The following EGF variants were observed in gnomAD, a reference collection of about 807,000 sequenced individuals.
EGF encodes epidermal growth factor.
In EGF, 95 loss-of-function variants were observed where a neutral mutation model predicts 143.8. That is an observed-to-expected ratio of 0.66 (90% confidence interval 0.56 to 0.78). The LOEUF (loss-of-function observed/expected upper bound fraction) is 0.78, where lower values mean the gene tolerates loss of function less well. Ranked by LOEUF, EGF falls within the 30% of genes least tolerant of loss-of-function variation. EGF has a pLI of 0.00. For synonymous variants in EGF, 510 were observed against 510.5 expected (o/e 1.00, Z 0.01); for missense variants, 1,320 against 1,470.9 (o/e 0.90, Z 1.68).
intron 1 of EGF, among the ~76,000 whole-genome samples, chr4:109,920,083 T>C (rs1217579996): frequency 6.6e-6 from 1 of 151,646 alleles, no homozygotes; most frequent in Non-Finnish European, 1.5e-5. Context: ...TTATAAGTTG[T>C]TTTTTAATCC....
rs182982244 is a variant in EGF, at chr4:110,008,476, T to C, written c.3370+246T>C. The stretch of plus-strand genomic sequence containing the variant: ...ACAGGGCAGCCCGTGTTCTTGCACT[T>C]TGAGCAAGAACACAATGGATGACTC... On this transcript the variant is annotated intron_variant, in intron 23 of 23. Transcript: ENST00000265171. Among the ~76,000 whole-genome samples the C allele has an allele frequency of 2.9e-3, 448 of 152,272 alleles. 1 individual carries two copies. Among genetic ancestry groups the C allele is most frequent in the South Asian group, 0.014 (67 of 4,818 alleles).
chr4:109,952,117 T>C (rs2126032905), intron 5 of EGF, among the ~76,000 whole-genome samples: 1 of 152,318 alleles, frequency 6.6e-6, no homozygotes, highest in African/African-American at 2.4e-5. Context: ...CCTACACTAT[T>C]ATACAAATCT....
intron 1 of EGF, among the ~76,000 whole-genome samples, chr4:109,938,014 A>G (rs1439011642): frequency 6.6e-6 from 1 of 152,034 alleles, no homozygotes; most frequent in Non-Finnish European, 1.5e-5. Context: ...CTCGAGGAGT[A>G]TCTTTGGGGG....
At chr4:109,957,135 C>G (rs1744919412) in intron 5 of EGF, among the ~76,000 whole-genome samples, 2 of 152,156 alleles carry the variant, frequency 1.3e-5, no homozygotes, top group Admixed American at 6.6e-5. Flanking sequence ...TTGGTCATGT[C>G]TAGTGATGTT....
intron 1 of EGF, among the ~76,000 whole-genome samples, chr4:109,928,943 G>C (rs1296213968): frequency 6.6e-6 from 1 of 152,144 alleles, no homozygotes; most frequent in Non-Finnish European, 1.5e-5. Flanking sequence ...TATTCAGTTG[G>C]TTGGGAGGCT....
chr4:109,947,373 ACTTT>A (rs1193643666), intron 5 of EGF, among the ~76,000 whole-genome samples: 4 of 151,314 alleles, frequency 2.6e-5, no homozygotes, highest in Non-Finnish European at 4.4e-5. Flanking sequence ...TATATCTTCT[ACTTT>A]CTTTTTTTTT....
intron 1 of EGF, among the ~76,000 whole-genome samples, chr4:109,918,667 C>T (rs1560622066): frequency 6.6e-6 from 1 of 152,086 alleles, no homozygotes; most frequent in African/African-American, 2.4e-5. Context: ...CACCTCACAC[C>T]AGCCACCACC....
At chr4:109,982,011 G>C (rs1457046705) in intron 15 of EGF, among the ~76,000 whole-genome samples, 2 of 150,320 alleles carry the variant, frequency 1.3e-5, no homozygotes, top group Non-Finnish European at 3.0e-5. Flanking sequence ...GCTCACTGCA[G>C]CCTTGGCCCC....
intron 1 of EGF, among the ~76,000 whole-genome samples, chr4:109,919,333 C>G (rs1737347244): frequency 7.3e-6 from 1 of 137,334 alleles, no homozygotes; most frequent in Admixed American, 7.3e-5. Flanking sequence ...CTCTCTCTCT[C>G]TCTCTCTCAT....
chr4:109,992,827 C>G (rs11569066), intron 18 of EGF, among the ~76,000 whole-genome samples: 3,319 of 151,888 alleles, frequency 0.022, 130 homozygotes, highest in African/African-American at 0.077. Flanking sequence ...AGCCATCATT[C>G]TCAGCAAACT....
At chr4:109,953,440 A>C (rs1007288584) in intron 5 of EGF, among the ~76,000 whole-genome samples, 1 of 152,204 alleles carries the variant, frequency 6.6e-6, no homozygotes, top group Non-Finnish European at 1.5e-5. Flanking sequence ...CAAATCAGAT[A>C]TATGATTGTC....
intron 6 of EGF, 105 bp downstream of exon 6, chr4:109,959,542 A>G (rs1278732364): frequency 1.9e-6 from 3 of 1,581,512 alleles, no homozygotes; most frequent in African/African-American, 1.4e-5. Flanking sequence ...CCAGAGACTC[A>G]GTGGAAAACC....
intron 18 of EGF, among the ~76,000 whole-genome samples, chr4:109,992,170 T>TAAAAAAAAAAAAAAAAAAAA (rs58841408): frequency 1.5e-5 from 1 of 65,638 alleles, no homozygotes; most frequent in Non-Finnish European, 2.6e-5. Context: ...CAAGATTCTT[T>TAAAAAAAAAAAAAAAAAAAA]AAAAAAAAAA....
At chr4:109,961,367 A>G (rs1745668567) in intron 7 of EGF, among the ~76,000 whole-genome samples, 1 of 152,106 alleles carries the variant, frequency 6.6e-6, no homozygotes, top group Non-Finnish European at 1.5e-5. Context: ...GCAAAACAAA[A>G]CAAAAACCAT....
intron 1 of EGF, among the ~76,000 whole-genome samples, chr4:109,930,532 T>C (rs555632986): frequency 6.6e-6 from 1 of 152,292 alleles, no homozygotes; most frequent in South Asian, 2.1e-4. Flanking sequence ...TCTCTAGATT[T>C]AGGGCAAGAA....
chr4:109,984,634 T>C (rs986993439), intron 16 of EGF, among the ~76,000 whole-genome samples: 4 of 152,194 alleles, frequency 2.6e-5, no homozygotes, highest in Admixed American at 6.5e-5. Flanking sequence ...CTGTGTTCAG[T>C]TGAAAAAAAT....
chr4:109,999,999 C>G (rs1206516254), intron 21 of EGF, among the ~76,000 whole-genome samples, 153 bp downstream of exon 21: 1 of 152,182 alleles, frequency 6.6e-6, no homozygotes, highest in Non-Finnish European at 1.5e-5. Context: ...TGCCTGCAAT[C>G]CCAGCACTTT....
At chr4:109,980,217 G>T in intron 14 of EGF, 78 bp downstream of exon 14, 1 of 1,450,850 alleles carries the variant, frequency 6.9e-7, no homozygotes, top group Non-Finnish European at 9.3e-7. Flanking sequence ...TCATGCAGTT[G>T]GCGGGGGGGT....
intron 22 of EGF, among the ~76,000 whole-genome samples, chr4:110,005,832 T>A (rs1391105639): frequency 6.6e-6 from 1 of 152,182 alleles, no homozygotes; most frequent in Non-Finnish European, 1.5e-5. Context: ...GAAGAGCTAT[T>A]ACAGAGAGGT....
Sources: gnomAD v4.1 joint callset for allele counts (sites outside exome capture counted in the v4.1 genomes callset) on GRCh38, gnomAD v4.1.1 for gene constraint, MANE v1.5 for transcripts, NCBI Gene and HGNC (gene_info 2026-07-23, HGNC 2026-07-21) for gene names.